Variants in THSD4 observed in about 807,000 individuals in gnomAD.
THSD4 encodes the protein thrombospondin type-1 domain-containing protein 4.
Under a neutral mutation model 119.0 loss-of-function variants are expected in THSD4, and 69 were observed. The ratio of observed to expected loss-of-function variants is 0.58; its 90% CI spans 0.48 to 0.71. THSD4 has a LOEUF of 0.71. THSD4 is among the 30% of genes least tolerant of loss of function. The pLI, the probability that THSD4 is intolerant of heterozygous loss-of-function variation, is 0.00. For missense variants in THSD4, 1,393 were observed against 1,391.1 expected, an observed-to-expected ratio of 1.00 and a Z score of -0.02; for synonymous variants, 524 against 540.4, an observed-to-expected ratio of 0.97 and a Z score of 0.42.
Position 71,472,319 on chromosome 15 carries a change from T to C in THSD4, c.1152+60496T>C, listed in dbSNP as rs1212466912. ...TGCTTATAAACTTAAGAGTCAAATA[T>C]TTAAATGCTAACTAGTATGTATTAG... On this transcript the variant is annotated intron_variant, in intron 7 of 17. Coordinates refer to ENST00000261862, the MANE Select transcript of THSD4 (RefSeq NM_024817.3). 2.6e-5 allele frequency among the ~76,000 whole-genome samples: 4 copies of C among 152,316 alleles called. No homozygotes were observed. The East Asian group carries it at 5.8e-4, about 22-fold the overall frequency.
chr15:71,477,794 A>G (rs936741626), intron 7 of THSD4, among the ~76,000 whole-genome samples: 7 of 152,124 alleles, frequency 4.6e-5, no homozygotes, highest in Admixed American at 3.3e-4. Flanking sequence ...CCTCTTCACC[A>G]TGCTGAACCT....
At chr15:71,597,098 C>CA (rs1038175092) in intron 7 of THSD4, among the ~76,000 whole-genome samples, 1 of 151,900 alleles carries the variant, frequency 6.6e-6, no homozygotes, top group Admixed American at 6.6e-5. Context: ...CTTATTGTTC[C>CA]AAAAAATACT....
At chr15:71,474,389 T>G (rs556858730) in intron 7 of THSD4, among the ~76,000 whole-genome samples, 1 of 152,058 alleles carries the variant, frequency 6.6e-6, no homozygotes, top group South Asian at 2.1e-4. Flanking sequence ...CTGGCTAATT[T>G]TTGTAGTTTT....
chr15:71,256,342 G>T (rs1292009333), intron 5 of THSD4, among the ~76,000 whole-genome samples: 2 of 152,036 alleles, frequency 1.3e-5, no homozygotes, highest in Non-Finnish European at 2.9e-5. Context: ...AGGTGTGGTG[G>T]TGGGTGCCTG....
At chr15:71,733,168 G>A (rs1238436883) in intron 10 of THSD4, 1 of 152,178 alleles carries the variant, frequency 6.6e-6, no homozygotes, top group Non-Finnish European at 1.5e-5. Context: ...GAATAGCATG[G>A]GGGTTCTGGG....
chr15:71,345,494 T>C (rs569075664), intron 6 of THSD4, among the ~76,000 whole-genome samples: 1 of 152,288 alleles, frequency 6.6e-6, no homozygotes, highest in East Asian at 1.9e-4. Flanking sequence ...GATTTGGTAA[T>C]AAATCACACA....
chr15:71,265,566 T>C (rs1004671017), intron 6 of THSD4, among the ~76,000 whole-genome samples: 2 of 152,108 alleles, frequency 1.3e-5, no homozygotes, highest in Non-Finnish European at 2.9e-5. Context: ...GGAGTTTTTT[T>C]TTCGTACCCC....
intron 6 of THSD4, among the ~76,000 whole-genome samples, chr15:71,313,863 C>T (rs572406317): frequency 6.6e-6 from 1 of 152,106 alleles, no homozygotes; most frequent in Non-Finnish European, 1.5e-5. Flanking sequence ...ATCAATTGTT[C>T]CTGTTAGAAT....
At chr15:71,684,545 T>C (rs1363716767) in intron 8 of THSD4, among the ~76,000 whole-genome samples, 1 of 152,020 alleles carries the variant, frequency 6.6e-6, no homozygotes, top group East Asian at 1.9e-4. Flanking sequence ...GGATGAGTTT[T>C]AAATGACATT....
intron 8 of THSD4, among the ~76,000 whole-genome samples, chr15:71,722,134 G>T (rs894246579): frequency 1.3e-5 from 2 of 152,180 alleles, no homozygotes; most frequent in Non-Finnish European, 2.9e-5. Flanking sequence ...GCACCTTTTT[G>T]TGAGGTAGTT....
intron 7 of THSD4, among the ~76,000 whole-genome samples, chr15:71,644,259 G>A (rs1190340543): frequency 6.6e-6 from 1 of 152,166 alleles, no homozygotes; most frequent in Non-Finnish European, 1.5e-5. Flanking sequence ...GGGAATACTT[G>A]CCAATAAGCC....
At chr15:71,713,822 G>A (rs1400537030) in intron 8 of THSD4, among the ~76,000 whole-genome samples, 1 of 152,190 alleles carries the variant, frequency 6.6e-6, no homozygotes, top group Non-Finnish European at 1.5e-5. Flanking sequence ...AAGCATTGAT[G>A]TTTTAACAGG....
At chr15:71,134,980 A>G (rs2040535953) in intron 1 of THSD4, among the ~76,000 whole-genome samples, 1 of 146,542 alleles carries the variant, frequency 6.8e-6, no homozygotes, top group African/African-American at 2.6e-5. Context: ...ATGTCCAACA[A>G]TGATAGACTG....
chr15:71,602,061 G>C (rs907986962), intron 7 of THSD4, among the ~76,000 whole-genome samples: 1 of 152,184 alleles, frequency 6.6e-6, no homozygotes, highest in Non-Finnish European at 1.5e-5. Flanking sequence ...TGGGTTTGGA[G>C]TGGCAGAGTT....
intron 7 of THSD4, among the ~76,000 whole-genome samples, chr15:71,638,474 A>T (rs1263172787): frequency 6.6e-6 from 1 of 152,218 alleles, no homozygotes; most frequent in African/African-American, 2.4e-5. Context: ...CACTAAAACT[A>T]TTCTAACTGC....
In THSD4 at chr15:71,675,931, A is replaced by G. The variant is rs551775221; in HGVS notation, c.1357+15197A>G. On this transcript the variant is annotated intron_variant, in intron 8 of 17. Coordinates refer to ENST00000261862, the MANE Select transcript of THSD4 (RefSeq NM_024817.3). ...ATGTTCCACTGAATTCCTTGCAGCCATCTTGCACCCTCCTCACTGTTCCAT... is the reference window on the plus strand; with the variant it reads ...ATGTTCCACTGAATTCCTTGCAGCCGTCTTGCACCCTCCTCACTGTTCCAT... Among the ~76,000 whole-genome samples, 19 of 152,278 alleles carry G rather than the reference A, an allele frequency of 1.2e-4. 1 individual carries two copies. The East Asian group carries it at 3.1e-3, about 25-fold the overall frequency.
chr15:71,142,371 T>C (rs1186190619), intron 2 of THSD4, among the ~76,000 whole-genome samples: 1 of 152,134 alleles, frequency 6.6e-6, no homozygotes, highest in Non-Finnish European at 1.5e-5. Flanking sequence ...CTGTAGTCCA[T>C]GTTATCGAAG....
chr15:71,730,855 TCTC>T, intron 9 of THSD4: 1 of 439,098 alleles, frequency 2.3e-6, no homozygotes, highest in Non-Finnish European at 4.2e-6. Context: ...TGCTCCATCT[TCTC>T]CTTTGGAGTT....
At chr15:71,231,933 C>T (rs1469104310) in intron 4 of THSD4, among the ~76,000 whole-genome samples, 1 of 152,178 alleles carries the variant, frequency 6.6e-6, no homozygotes, top group Non-Finnish European at 1.5e-5. Flanking sequence ...CTCGCAGGCT[C>T]TTTGAACTTA....
Sources: gnomAD v4.1 joint callset for allele counts (sites outside exome capture counted in the v4.1 genomes callset) on GRCh38, gnomAD v4.1.1 for gene constraint, MANE v1.5 for transcripts, NCBI Gene and HGNC (gene_info 2026-07-23, HGNC 2026-07-21) for gene names.